The following TMPRSS4 variants were observed in gnomAD, a reference collection of about 807,000 sequenced individuals.
TMPRSS4 encodes the protein transmembrane protease serine 4.
A neutral mutation model predicts 56.4 loss-of-function variants in TMPRSS4; 45 were observed. The ratio of observed to expected loss-of-function variants is 0.80; its 90% CI spans 0.63 to 1.02. The LOEUF (loss-of-function observed/expected upper bound fraction) is 1.02. Among genes scored for constraint, TMPRSS4 ranks in the 50% least tolerant of loss-of-function variants. TMPRSS4 has a pLI of 0.00. For missense variants in TMPRSS4, 546 were observed against 556.7 expected, an observed-to-expected ratio of 0.98 and a Z score of 0.19; for synonymous variants, 205 against 211.0, an observed-to-expected ratio of 0.97 and a Z score of 0.25.
intron 4 of TMPRSS4, among the ~76,000 whole-genome samples, chr11:118,103,460 C>A (rs1946835899): frequency 6.6e-6 from 1 of 152,190 alleles, no homozygotes; most frequent in Non-Finnish European, 1.5e-5. Context: ...CGGCTCACTG[C>A]AACCTCTGCC....
At chr11:118,122,325 A>G (rs1423807640), downstream of TMPRSS4, among the ~76,000 whole-genome samples, 1 of 152,222 alleles carries the variant, frequency 6.6e-6, no homozygotes, top group Non-Finnish European at 1.5e-5. Context: ...AAAACTGAAA[A>G]AGTGGAGAAA....
chr11:118,105,084 A>AAAAC (rs549764594), intron 5 of TMPRSS4, among the ~76,000 whole-genome samples: 2,183 of 151,636 alleles, frequency 0.014, 54 homozygotes, highest in African/African-American at 0.047. Context: ...GCTGCCCTCC[A>AAAAC]ACACACACAC....
intron 1 of TMPRSS4, among the ~76,000 whole-genome samples, chr11:118,091,562 C>T (rs1384176430): frequency 1.3e-5 from 2 of 152,098 alleles, no homozygotes; most frequent in East Asian, 3.9e-4. Flanking sequence ...GGGACAGACC[C>T]TCGGCTGTCT....
At chr11:118,089,331 AG>A (rs1945798900) in intron 1 of TMPRSS4, among the ~76,000 whole-genome samples, 3 of 152,222 alleles carry the variant, frequency 2.0e-5, no homozygotes, top group Non-Finnish European at 4.4e-5. Context: ...CACAACAGTA[AG>A]GGCAGAGCAT....
At chr11:118,109,624 T>C (rs1941634) in intron 7 of TMPRSS4, among the ~76,000 whole-genome samples, 8,336 of 152,214 alleles carry the variant, frequency 0.055, 568 homozygotes, top group African/African-American at 0.15. Context: ...GGGACCCTTC[T>C]AGCTCTAACA....
intron 1 of TMPRSS4, among the ~76,000 whole-genome samples, chr11:118,088,031 T>A (rs1945694709): frequency 6.6e-6 from 1 of 152,148 alleles, no homozygotes; most frequent in South Asian, 2.1e-4. Context: ...CTGGGGGCAA[T>A]CTCTGCATGA....
chr11:118,114,914 G>T lies in TMPRSS4; in HGVS notation c.996G>T (p.Thr332=), dbSNP rs558503121. 3 of 1,602,564 alleles carry T rather than the reference G, an allele frequency of 1.9e-6. No individual in the cohort carries two copies. Among genetic ancestry groups the T allele is most frequent in the Non-Finnish European group, 2.6e-6 (3 of 1,174,218 alleles). ...TPLWIIGWGF[T]KQNGGKMSDI... is the part of the protein sequence containing the mutation. ...TCTGGATCATTGGATGGGGCTTTAC[G>T]AAGCAGAATGGAGGTAAGTCCTGGG... is the stretch of plus-strand genomic sequence containing the variant. The change falls in exon 10 of 13, where the codon ACG becomes ACT. Residue 332 remains threonine, a synonymous_variant. Transcript: ENST00000437212.
chr11:118,106,786 G>A (rs57465541), intron 5 of TMPRSS4: 8,344 of 152,312 alleles, frequency 0.055, 569 homozygotes, highest in African/African-American at 0.15. Flanking sequence ...ACCCAGCCCC[G>A]TGCATCTTTT....
chr11:118,097,382 G>C (rs1946465251), intron 2 of TMPRSS4, among the ~76,000 whole-genome samples: 1 of 152,190 alleles, frequency 6.6e-6, no homozygotes, highest in Non-Finnish European at 1.5e-5. Flanking sequence ...GATCCAGGAA[G>C]GCCTCACTGT....
At chr11:118,090,641 GA>G (rs1945875932) in intron 1 of TMPRSS4, among the ~76,000 whole-genome samples, 1 of 151,422 alleles carries the variant, frequency 6.6e-6, no homozygotes, top group South Asian at 2.1e-4. Flanking sequence ...AGCTGGGCGT[GA>G]TGGTGCATGC....
chr11:118,097,468 C>A (rs137914950), intron 2 of TMPRSS4, among the ~76,000 whole-genome samples: 1 of 152,098 alleles, frequency 6.6e-6, no homozygotes, highest in South Asian at 2.1e-4. Flanking sequence ...AGAGCCGGTC[C>A]GTTGCTTTCC....
intron 4 of TMPRSS4, 89 bp from the exon 5 acceptor site, chr11:118,104,602 G>T (rs1156297947): frequency 6.3e-7 from 1 of 1,590,148 alleles, no homozygotes; most frequent in East Asian, 2.3e-5. Context: ...CTAGGTTGGG[G>T]GAGCTTGGGC....
chr11:118,079,040 G>A (rs1944920629), intron 1 of TMPRSS4, among the ~76,000 whole-genome samples: 1 of 152,124 alleles, frequency 6.6e-6, no homozygotes, highest in African/African-American at 2.4e-5. Context: ...GAAGGAGCTG[G>A]GCATTGCTGG....
intron 11 of TMPRSS4, among the ~76,000 whole-genome samples, chr11:118,117,099 T>A (rs1237544735): frequency 1.3e-5 from 2 of 152,170 alleles, no homozygotes; most frequent in Non-Finnish European, 2.9e-5. Context: ...ACGGCATGCT[T>A]GCAACTTACT....
At chr11:118,103,337 C>A (rs1344529728) in intron 4 of TMPRSS4, 84 bp downstream of exon 4, 3 of 1,484,604 alleles carry the variant, frequency 2.0e-6, no homozygotes, top group Non-Finnish European at 1.8e-6. Context: ...ATAGTATCTG[C>A]CCCCTACTTG....
At chr11:118,101,920 G>A (rs941305005) in intron 3 of TMPRSS4, among the ~76,000 whole-genome samples, 2 of 152,120 alleles carry the variant, frequency 1.3e-5, no homozygotes, top group African/African-American at 4.8e-5. Flanking sequence ...AAACAAAACC[G>A]AGGACCAACC....
rs1369928475 is a variant in TMPRSS4 at position 118,121,257 on chromosome 11, T to A, written c.*3344T>A. 6.6e-6 allele frequency: 1 copy of A among 152,188 alleles called. No homozygotes were observed. The highest frequency in any genetic ancestry group is 1.5e-5 in the Non-Finnish European group (1 of 68,032). The allele number at this position is 152,188 out of a possible 1,614,324, so 9.4% of individuals were successfully genotyped here. A position where few individuals can be genotyped will look rare whatever the true frequency, so the allele number is the denominator to read the frequency against. ...TTTACTTTAGGAAGAAGGAAAATGA[T>A]CCTAAAAGGAAGAACCAAGAAGCAA... On this transcript the variant is annotated 3_prime_UTR_variant, in exon 13 of 13. Coordinates refer to ENST00000437212, the MANE Select transcript of TMPRSS4 (RefSeq NM_019894.4).
At chr11:118,099,176 G>A (rs1288590053) in intron 3 of TMPRSS4, 78 bp downstream of exon 3, 1 of 1,132,062 alleles carries the variant, frequency 8.8e-7, no homozygotes, top group African/African-American at 2.3e-5. Flanking sequence ...ACTCACCCCT[G>A]AATAAGTGAC....
intron 8 of TMPRSS4, 102 bp downstream of exon 8, chr11:118,112,002 C>T: frequency 3.4e-6 from 5 of 1,477,590 alleles, no homozygotes; most frequent in Non-Finnish European, 4.5e-6. Context: ...TTCACTCTCC[C>T]ACTAGAGACG....
Sources: gnomAD v4.1 joint callset for allele counts (sites outside exome capture counted in the v4.1 genomes callset) on GRCh38, gnomAD v4.1.1 for gene constraint, MANE v1.5 for transcripts, NCBI Gene and HGNC (gene_info 2026-07-23, HGNC 2026-07-21) for gene names.